TNIP1: variants seen among roughly 807,000 people sequenced by gnomAD.
TNIP1 encodes the protein TNFAIP3-interacting protein 1.
Under a neutral mutation model 86.6 loss-of-function variants are expected in TNIP1, and 22 were observed. The observed-to-expected ratio is 0.25, with a 90% CI of 0.18 to 0.36. The LOEUF is 0.36. TNIP1 is among the 10% of genes least tolerant of loss of function. TNIP1 has a pLI of 1.00. For synonymous variants in TNIP1, 294 were observed against 313.0 expected, an observed-to-expected ratio of 0.94 and a Z score of 0.64; for missense variants, 709 against 820.6, an observed-to-expected ratio of 0.86 and a Z score of 1.66.
intron 7 of TNIP1, among the ~76,000 whole-genome samples, chr5:151,050,514 C>T (rs1263961366): frequency 1.3e-5 from 2 of 152,028 alleles, no homozygotes; most frequent in Admixed American, 6.5e-5. Flanking sequence ...GTTAAAGTTG[C>T]CTTTATAATT....
upstream of TNIP1, among the ~76,000 whole-genome samples, chr5:151,082,227 A>G (rs139359594): frequency 2.4e-3 from 363 of 152,240 alleles, no homozygotes; most frequent in Middle Eastern, 0.014. Flanking sequence ...AAGGCTTTGT[A>G]ACCTCCTAGG....
At position 151,049,531 on chromosome 5, in the gene TNIP1, A is replaced by G. The variant is rs191932123; in HGVS notation, c.846+293T>C. Reference sequence around the variant, plus strand: ...AAACTGGAATGTGTTTACGGAATGCACCCAGACTGAGCAAACGACTCAACA... The same window carrying G: ...AAACTGGAATGTGTTTACGGAATGCGCCCAGACTGAGCAAACGACTCAACA... On this transcript the variant is annotated intron_variant, in intron 8 of 17. Coordinates refer to ENST00000521591, the MANE Select transcript of TNIP1 (RefSeq NM_006058.5). Among the ~76,000 whole-genome samples, 5 of 152,296 alleles carry G rather than the reference A, an allele frequency of 3.3e-5. No homozygotes were observed. The East Asian group carries it at 9.6e-4, about 29-fold the overall frequency.
At chr5:151,046,968 T>C (rs1759257552) in intron 8 of TNIP1, among the ~76,000 whole-genome samples, 1 of 152,250 alleles carries the variant, frequency 6.6e-6, no homozygotes, top group Admixed American at 6.5e-5. Context: ...ACTACAGTAA[T>C]AACTGCTGCA....
chr5:151,052,345 T>G, intron 6 of TNIP1, 86 bp from the exon 7 acceptor site: 1 of 1,126,064 alleles, frequency 8.9e-7, no homozygotes, highest in Admixed American at 2.0e-5. Flanking sequence ...GGGGGGCCTG[T>G]AGCCACCCCA....
intron 11 of TNIP1, among the ~76,000 whole-genome samples, chr5:151,042,144 T>C (rs1034234232): frequency 6.6e-6 from 1 of 152,070 alleles, no homozygotes; most frequent in Admixed American, 6.6e-5. Flanking sequence ...TTTCATCATG[T>C]TGGCCACGCT....
rs200697226 is a variant in TNIP1 at position 151,065,125 on chromosome 5, C to T, written c.-30G>A. Reference sequence around the variant, plus strand: ...GTAGCTCAGCCCCTGCCGTGGTGCCCGCCTGGCTGTAAGGACAACAGCAGC... The same window carrying T: ...GTAGCTCAGCCCCTGCCGTGGTGCCTGCCTGGCTGTAAGGACAACAGCAGC... On this transcript the variant is annotated 5_prime_UTR_variant, in exon 2 of 18. Coordinates refer to ENST00000521591, the MANE Select transcript of TNIP1 (RefSeq NM_006058.5). The T allele has an allele frequency of 2.7e-5, 44 of 1,605,104 alleles. No individual in the cohort carries two copies. The highest frequency in any genetic ancestry group is 2.4e-4 in the African/African-American group (18 of 74,916).
At chr5:151,073,141 G>C (rs1044586962) in intron 1 of TNIP1, among the ~76,000 whole-genome samples, 3 of 150,372 alleles carry the variant, frequency 2.0e-5, no homozygotes, top group Non-Finnish European at 4.4e-5. Flanking sequence ...AGAATCGCTT[G>C]AACTTGGGAG....
upstream of TNIP1, among the ~76,000 whole-genome samples, chr5:151,084,321 T>C (rs1430416631): frequency 4.0e-5 from 6 of 151,878 alleles, 1 homozygote; most frequent in Admixed American, 3.9e-4. Flanking sequence ...GGTGGGCGCC[T>C]GTAATCCCAG....
intron 3 of TNIP1, 130 bp downstream of exon 3, chr5:151,063,483 G>A: frequency 7.3e-7 from 1 of 1,365,932 alleles, no homozygotes; most frequent in South Asian, 1.4e-5. Flanking sequence ...AAACATGAAT[G>A]GAAGGGTAGC....
In TNIP1 at chr5:151,030,427, A is replaced by G. The variant is rs1581704249; in HGVS notation, c.*286T>C. ...ATTGCTGCTCCTGGAGGCTTCTGCA[A>G]CGGATGGTGGGTCAAAGCCGGATGA... On this transcript the variant is annotated 3_prime_UTR_variant, in exon 18 of 18. Coordinates refer to ENST00000521591, the MANE Select transcript of TNIP1 (RefSeq NM_006058.5). 5.5e-6 allele frequency: 3 copies of G among 541,074 alleles called. No individual in the cohort carries two copies. In the East Asian group the frequency reaches 9.7e-5, roughly 17 times the overall value. The allele number at this position is 541,074 out of a possible 1,614,324, so 33.5% of individuals were successfully genotyped here. A position where few individuals can be genotyped will look rare whatever the true frequency, so the allele number is the denominator to read the frequency against.
chr5:151,069,983 G>A (rs1307765939), intron 1 of TNIP1, among the ~76,000 whole-genome samples: 1 of 152,172 alleles, frequency 6.6e-6, no homozygotes, highest in African/African-American at 2.4e-5. Context: ...GTCCACACAG[G>A]GAAAGTGCTC....
chr5:151,055,164 A>G (rs868422862), intron 6 of TNIP1, among the ~76,000 whole-genome samples: 2 of 152,202 alleles, frequency 1.3e-5, no homozygotes, highest in African/African-American at 4.8e-5. Context: ...ACTGGGACGC[A>G]ACAGTGAATA....
chr5:151,065,284 T>C (rs1250716663), intron 1 of TNIP1, among the ~76,000 whole-genome samples, 153 bp from the exon 2 acceptor site: 2 of 152,218 alleles, frequency 1.3e-5, no homozygotes, highest in African/African-American at 4.8e-5. Flanking sequence ...CACCTCCTTT[T>C]ATCTGGACGC....
intron 1 of TNIP1, among the ~76,000 whole-genome samples, chr5:151,077,309 T>A (rs1368380418): frequency 6.6e-6 from 1 of 152,218 alleles, no homozygotes; most frequent in Non-Finnish European, 1.5e-5. Flanking sequence ...TTCCAAGATA[T>A]GAACTTTTGG....
chr5:151,077,430 G>C (rs994824067), intron 1 of TNIP1, among the ~76,000 whole-genome samples: 1 of 152,210 alleles, frequency 6.6e-6, no homozygotes, highest in Non-Finnish European at 1.5e-5. Flanking sequence ...CATCATTAAC[G>C]ATAATAGCAG....
intron 13 of TNIP1, 144 bp from the exon 14 acceptor site, chr5:151,035,851 A>G (rs932356829): frequency 2.1e-6 from 2 of 961,142 alleles, no homozygotes; most frequent in Non-Finnish European, 3.1e-6. Context: ...CTACACCTCC[A>G]GCCTCCACCT....
intron 1 of TNIP1, among the ~76,000 whole-genome samples, chr5:151,072,397 T>C (rs1247571788): frequency 6.6e-6 from 1 of 152,226 alleles, no homozygotes; most frequent in East Asian, 1.9e-4. Flanking sequence ...CATTCCATCC[T>C]GTGCTTACCC....
chr5:151,057,073 G>T, intron 5 of TNIP1, 116 bp from the exon 6 acceptor site: 1 of 1,097,796 alleles, frequency 9.1e-7, no homozygotes, highest in Non-Finnish European at 1.2e-6. Context: ...TGTGACCCCA[G>T]CTCAGCCCCG....
intron 11 of TNIP1, 48 bp from the exon 12 acceptor site, chr5:151,039,273 G>C: frequency 6.3e-7 from 1 of 1,577,362 alleles, no homozygotes; most frequent in Non-Finnish European, 8.6e-7. Context: ...GCCTCTCCAG[G>C]AGGCCTCGGA....
Sources: allele counts gnomAD v4.1 joint callset (sites outside exome capture counted in the v4.1 genomes callset), GRCh38; gene constraint gnomAD v4.1.1; transcripts MANE v1.5; gene names NCBI Gene and HGNC (gene_info 2026-07-23, HGNC 2026-07-21).